The following PARD3B variants were observed in gnomAD, a reference collection of about 807,000 sequenced individuals.
PARD3B encodes par-3 family cell polarity regulator beta, also known as partitioning defective 3 homolog B.
Under a neutral mutation model 130.2 loss-of-function variants are expected in PARD3B, and 103 were observed. That is an observed-to-expected ratio of 0.79 (90% CI 0.67 to 0.93). PARD3B has a LOEUF of 0.93. Among genes scored for constraint, PARD3B ranks in the 40% least tolerant of loss-of-function variants. The pLI, the probability that PARD3B is intolerant of heterozygous loss-of-function variation, is 0.00. For synonymous variants in PARD3B, 583 were observed against 553.2 expected (o/e 1.05, Z -0.76); for missense variants, 1,609 against 1,499.2 (o/e 1.07, Z -1.21).
Position 205,590,985 on chromosome 2 carries a change from C to T in PARD3B, c.3261-24471C>T, listed in dbSNP as rs2054367289. ...ACAAGAATTATGTCTGTTTTGAGAC[C>T]AGGATGGTCTCTTGGCTGTTGCCCA... On this transcript the variant is annotated intron_variant, in intron 22 of 22. Coordinates refer to ENST00000406610, the MANE Select transcript of PARD3B (RefSeq NM_001302769.2). The surrounding 1 kb of genome is among the most constrained non-coding windows in gnomAD (Gnocchi z 4.1). 6.6e-6 allele frequency among the ~76,000 whole-genome samples: 1 copy of T among 152,038 alleles called. No homozygotes were observed. Among genetic ancestry groups the T allele is most frequent in the African/African-American group, 2.4e-5 (1 of 41,400 alleles).
chr2:204,687,218 A>G (rs2037127979), intron 2 of PARD3B, among the ~76,000 whole-genome samples: 1 of 152,158 alleles, frequency 6.6e-6, no homozygotes, highest in Admixed American at 6.5e-5. Flanking sequence ...CTTTTTCCAT[A>G]AGATCTCTTC....
rs373107570 is a variant in PARD3B at position 205,125,638 on chromosome 2, C to T, written c.1335C>T (p.Thr445=). The stretch of plus-strand genomic sequence containing the variant: ...ATGGGAGAGATGTCACCGGACGAAC[C>T]CAGGAAGAGCTTGTGGCCATGCTCA... ...EVNGRDVTGR[T]QEELVAMLRS... is the part of the protein sequence containing the mutation. Residue 445 remains threonine, a synonymous_variant, in exon 10 of 23, where the codon ACC becomes ACT. Transcript: ENST00000406610. The surrounding 1 kb of genome is among the most constrained non-coding windows in gnomAD (Gnocchi z 4.0). The T allele has an allele frequency of 6.2e-7, 1 of 1,613,872 alleles. No individual in the cohort carries two copies. Among genetic ancestry groups the T allele is most frequent in the Non-Finnish European group, 8.5e-7 (1 of 1,179,962 alleles).
At chr2:204,828,980 C>T (rs989982396) in intron 2 of PARD3B, among the ~76,000 whole-genome samples, 2 of 152,160 alleles carry the variant, frequency 1.3e-5, no homozygotes, top group African/African-American at 2.4e-5. Flanking sequence ...TGAAGTCTTT[C>T]CTGACTTCAA....
chr2:205,039,750 G>A (rs993186675), intron 3 of PARD3B, among the ~76,000 whole-genome samples: 2 of 151,982 alleles, frequency 1.3e-5, no homozygotes, highest in Admixed American at 6.6e-5. Flanking sequence ...GATTACTGGC[G>A]TGAGCCACCA....
At position 205,384,456 on chromosome 2, in the gene PARD3B, T is replaced by G. The variant is rs1053124372; in HGVS notation, c.2631-16557T>G. Among the ~76,000 whole-genome samples, 4 of 152,238 alleles carry G rather than the reference T, an allele frequency of 2.6e-5. No individual in the cohort carries two copies. In the East Asian group the frequency reaches 7.7e-4, roughly 29 times the overall value. ...AAAATAGATCTGAGTAGGGATTTTGTGTCTTTGACTATTTTTGATTCCTAT... is the reference window on the plus strand; with the variant it reads ...AAAATAGATCTGAGTAGGGATTTTGGGTCTTTGACTATTTTTGATTCCTAT... On this transcript the variant is annotated intron_variant, in intron 18 of 22. Coordinates refer to ENST00000406610, the MANE Select transcript of PARD3B (RefSeq NM_001302769.2).
chr2:204,825,687 A>G (rs1575076982), intron 2 of PARD3B, among the ~76,000 whole-genome samples: 1 of 152,194 alleles, frequency 6.6e-6, no homozygotes, highest in African/African-American at 2.4e-5. Flanking sequence ...GAAATTCTAA[A>G]TTCGATTCTC....
intron 21 of PARD3B, among the ~76,000 whole-genome samples, chr2:205,501,558 C>T (rs2106345508): frequency 6.6e-6 from 1 of 152,282 alleles, no homozygotes; most frequent in Middle Eastern, 3.4e-3. Flanking sequence ...ATAAGCCAAA[C>T]AAGCAATAAA....
intron 2 of PARD3B, among the ~76,000 whole-genome samples, chr2:204,759,456 G>T (rs1479799371): frequency 6.6e-6 from 1 of 151,980 alleles, no homozygotes; most frequent in Non-Finnish European, 1.5e-5. Flanking sequence ...AAATATAGCA[G>T]TGTTTTTAAG....
At chr2:204,649,073 A>G (rs1364549292) in intron 1 of PARD3B, among the ~76,000 whole-genome samples, 1 of 134,578 alleles carries the variant, frequency 7.4e-6, no homozygotes, top group African/African-American at 2.8e-5. Flanking sequence ...TATAATATAT[A>G]TCATATAAAT....
At position 205,026,981 on chromosome 2, in the gene PARD3B, G is replaced by C. The variant is rs538570394; in HGVS notation, c.395-20600G>C. Among the ~76,000 whole-genome samples the C allele has an allele frequency of 3.9e-5, 6 of 152,272 alleles. 1 individual carries two copies. In the South Asian group the frequency reaches 1.2e-3, roughly 32 times the overall value. On this transcript the variant is annotated intron_variant, in intron 3 of 22. Coordinates refer to ENST00000406610, the MANE Select transcript of PARD3B (RefSeq NM_001302769.2). Reference sequence around the variant, plus strand: ...ATTTACACCTATCTTAGTTATTGAAGTAACGCTGTAATGAACATGAGGGTG... The same window carrying C: ...ATTTACACCTATCTTAGTTATTGAACTAACGCTGTAATGAACATGAGGGTG...
intron 2 of PARD3B, among the ~76,000 whole-genome samples, chr2:204,949,689 A>C (rs1354239421): frequency 1.3e-5 from 2 of 152,146 alleles, no homozygotes; most frequent in Non-Finnish European, 2.9e-5. Context: ...TACTAATAGC[A>C]TTTTTTAATT....
In PARD3B at chr2:205,558,443, G is replaced by A. The variant is rs935102896; in HGVS notation, c.3260+5040G>A. ...CCAGACTTATACCTGAGCAGGACTCGTGTGGCAGGTCTACCCCATTAAATT... is the reference window on the plus strand; with the variant it reads ...CCAGACTTATACCTGAGCAGGACTCATGTGGCAGGTCTACCCCATTAAATT... On this transcript the variant is annotated intron_variant, in intron 22 of 22. Transcript: ENST00000406610. The surrounding 1 kb of genome is among the most constrained non-coding windows in gnomAD (Gnocchi z 4.8). Among the ~76,000 whole-genome samples, 4 of 152,176 alleles carry A rather than the reference G, an allele frequency of 2.6e-5. No individual in the cohort carries two copies. The highest frequency in any genetic ancestry group is 5.9e-5 in the Non-Finnish European group (4 of 68,038).
intron 18 of PARD3B, among the ~76,000 whole-genome samples, chr2:205,389,640 G>A (rs61427530): frequency 2.0e-5 from 3 of 152,150 alleles, no homozygotes; most frequent in Non-Finnish European, 2.9e-5. Context: ...CACTGCGCCC[G>A]GCCTGTTATT....
chr2:204,990,260 A>AT (rs564501086), intron 3 of PARD3B, among the ~76,000 whole-genome samples: 5,150 of 143,536 alleles, frequency 0.036, 205 homozygotes, highest in African/African-American at 0.096. Context: ...CTTTAAAAAC[A>AT]TTTTTTTTTT....
Position 205,158,463 on chromosome 2 carries a change from C to A in PARD3B, c.1435-259C>A, listed in dbSNP as rs1011721385. ...GCTTGCGAGGTGTTTCAGATTGCAT[C>A]GCTCTGACTTGCCAAACGATCCTCT... is the stretch of plus-strand genomic sequence containing the variant. On this transcript the variant is annotated intron_variant, in intron 10 of 22. Transcript: ENST00000406610. This position sits in a 1 kb window ranked among gnomAD's most constrained non-coding sequence, Gnocchi z 5.4. Among the ~76,000 whole-genome samples, 1 of 152,120 alleles carries A rather than the reference C, an allele frequency of 6.6e-6. No homozygotes were observed. Among genetic ancestry groups the A allele is most frequent in the African/African-American group, 2.4e-5 (1 of 41,434 alleles).
Position 205,183,105 on chromosome 2 carries a change from A to G in PARD3B, c.1925-2659A>G, listed in dbSNP as rs1051218692. Among the ~76,000 whole-genome samples the G allele has an allele frequency of 5.9e-5, 9 of 152,064 alleles. No homozygotes were observed. The stretch of plus-strand genomic sequence containing the variant: ...CAGCGAAGGCTTCATAGTAAAAGTG[A>G]TATTTGGGTGGACCTTGGGAGAAGG... On this transcript the variant is annotated intron_variant, in intron 13 of 22. Transcript: ENST00000406610. This position sits in a 1 kb window ranked among gnomAD's most constrained non-coding sequence, Gnocchi z 5.2.
intron 4 of PARD3B, among the ~76,000 whole-genome samples, chr2:205,055,027 A>G (rs962236484): frequency 1.3e-5 from 2 of 152,126 alleles, no homozygotes; most frequent in African/African-American, 4.8e-5. Context: ...CATTTTTTCA[A>G]GACTGTGAAC....
chr2:204,915,090 C>T (rs557302264), intron 2 of PARD3B, among the ~76,000 whole-genome samples: 2 of 152,298 alleles, frequency 1.3e-5, no homozygotes, highest in East Asian at 3.9e-4. Flanking sequence ...TGCACCCTTA[C>T]TGTACCTCTA....
intron 3 of PARD3B, among the ~76,000 whole-genome samples, chr2:205,043,141 G>A (rs1698509455): frequency 6.6e-6 from 1 of 151,980 alleles, no homozygotes; most frequent in African/African-American, 2.4e-5. Context: ...TTGTGTAAAA[G>A]TTTTGATTCG....
Sources: gnomAD v4.1 joint callset for allele counts (sites outside exome capture counted in the v4.1 genomes callset) on GRCh38, gnomAD v4.1.1 for gene constraint, Gnocchi (gnomAD v3.1) non-coding constraint, MANE v1.5 for transcripts, NCBI Gene and HGNC (gene_info 2026-07-23, HGNC 2026-07-21) for gene names.